LRP2: variants seen among roughly 807,000 people sequenced by gnomAD.
The protein encoded by LRP2 is low-density lipoprotein receptor-related protein 2.
Under a neutral mutation model 531.0 loss-of-function variants are expected in LRP2, and 172 were observed. That is an observed-to-expected ratio of 0.32 (90% CI 0.29 to 0.37). LRP2 has a LOEUF of 0.37. Ranked by LOEUF, LRP2 falls within the 10% of genes least tolerant of loss-of-function variation. The probability of loss-of-function intolerance (pLI) is 1.00; values close to 1 mark genes in which losing one functional copy is unlikely to be tolerated. For synonymous variants in LRP2, 1,992 were observed against 2,027.6 expected, an observed-to-expected ratio of 0.98 and a Z score of 0.47; for missense variants, 5,167 against 5,868.3, an observed-to-expected ratio of 0.88 and a Z score of 3.90.
chr2:169,299,147 GAAAGAAAGA>G (rs1684220264), intron 4 of LRP2, among the ~76,000 whole-genome samples: 2 of 43,954 alleles, frequency 4.6e-5, no homozygotes, highest in African/African-American at 1.3e-4. Context: ...AAGAAAGAAA[GAAAGAAAGA>G]AAAAAAGAAA....
At chr2:169,331,902 T>C (rs939744290) in intron 1 of LRP2, among the ~76,000 whole-genome samples, 5 of 151,968 alleles carry the variant, frequency 3.3e-5, no homozygotes, top group African/African-American at 1.2e-4. Flanking sequence ...AAAAAGAAAA[T>C]GGACATTCAT....
In LRP2 at chr2:169,168,492, T is replaced by C. The variant is rs1464862577; in HGVS notation, c.11635+47A>G. ...TGCTACACGTAAGAAACAATGAGAT[T>C]TGACAGACAACACCACTCCCATTCA... On this transcript the variant is annotated intron_variant, in intron 61 of 78. Coordinates refer to ENST00000649046, the MANE Select transcript of LRP2 (RefSeq NM_004525.3). 1.2e-5 allele frequency: 19 copies of C among 1,612,330 alleles called. No individual in the cohort carries two copies. In the South Asian group the frequency reaches 1.5e-4, roughly 13 times the overall value.
intron 50 of LRP2, 180 bp from the exon 51 acceptor site, chr2:169,182,499 G>A (rs1048776133): frequency 2.7e-6 from 4 of 1,497,902 alleles, no homozygotes; most frequent in Non-Finnish European, 3.5e-6. Flanking sequence ...TGAGGCAACA[G>A]AGGGTGCAAG....
At chr2:169,226,297 G>T in intron 32 of LRP2, 125 bp downstream of exon 32, 1 of 774,770 alleles carries the variant, frequency 1.3e-6, no homozygotes, top group Non-Finnish European at 2.1e-6. Context: ...AAAACTTAGG[G>T]ATAAATTTAT....
chr2:169,165,653 TGAGAA>T (rs1439786223), intron 62 of LRP2, among the ~76,000 whole-genome samples: 1 of 152,218 alleles, frequency 6.6e-6, no homozygotes, highest in African/African-American at 2.4e-5. Flanking sequence ...CAGTTTCTTA[TGAGAA>T]AAGAGGAGGG....
chr2:169,178,096 A>G (rs1687276501), intron 52 of LRP2, 70 bp from the exon 53 acceptor site: 1 of 1,129,812 alleles, frequency 8.9e-7, no homozygotes, highest in Non-Finnish European at 1.3e-6. Flanking sequence ...GCAGGATAAA[A>G]GAATTCACAA....
chr2:169,285,375 G>T (rs1012777513), intron 9 of LRP2, among the ~76,000 whole-genome samples: 5 of 152,000 alleles, frequency 3.3e-5, no homozygotes, highest in African/African-American at 1.2e-4. Flanking sequence ...CACTATAGAG[G>T]AATATGAAGG....
At chr2:169,341,698 T>A (rs770526720) in intron 1 of LRP2, among the ~76,000 whole-genome samples, 35 of 152,166 alleles carry the variant, frequency 2.3e-4, no homozygotes, top group Non-Finnish European at 4.7e-4. Flanking sequence ...GTATTAGAGT[T>A]AAGTATGTGA....
chr2:169,360,392 T>C (rs371501068), intron 1 of LRP2, among the ~76,000 whole-genome samples: 1 of 152,100 alleles, frequency 6.6e-6, no homozygotes, highest in Non-Finnish European at 1.5e-5. Context: ...GCCACATATA[T>C]GTGTATGCTA....
In LRP2 at chr2:169,145,166, T is replaced by C. The variant is rs117555752; in HGVS notation, c.12988+581A>G. Among the ~76,000 whole-genome samples the C allele has an allele frequency of 3.3e-3, 501 of 152,344 alleles. 23 individuals are homozygous for C. The East Asian group carries it at 0.062, about 19-fold the overall frequency. On this transcript the variant is annotated intron_variant, in intron 70 of 78. Transcript: ENST00000649046. The stretch of plus-strand genomic sequence containing the variant: ...ACATAAGAACTTAGTAAAAGGCTAT[T>C]TCCTTTCCTCACTTCCCTTTGCCTT...
chr2:169,182,898 TG>T (rs1282499746), intron 50 of LRP2, among the ~76,000 whole-genome samples: 3 of 152,256 alleles, frequency 2.0e-5, no homozygotes, highest in Non-Finnish European at 4.4e-5. Context: ...TATTAGGATC[TG>T]TTAGAAACTG....
chr2:169,300,283 G>A (rs1684255777), intron 4 of LRP2, among the ~76,000 whole-genome samples: 3 of 152,046 alleles, frequency 2.0e-5, no homozygotes, highest in Admixed American at 2.0e-4. Flanking sequence ...ATAGAGCTGG[G>A]TAAAAGGTAA....
Position 169,292,366 on chromosome 2 carries a change from T to C in LRP2, c.656A>G (p.Tyr219Cys), listed in dbSNP as rs1684019963. ...GAACTGGTAACCACCGCAGGTCGGA[T>C]AGTCTGGAATAAAGCAACAGCTGCA... ...QDGSDEHACN[Y>C]PTCGGYQFTC... Residue 219 changes from tyrosine to cysteine, a missense_variant, in exon 7 of 79, where the codon TAT becomes TGT. Coordinates refer to ENST00000649046, the MANE Select transcript of LRP2 (RefSeq NM_004525.3). The C allele has an allele frequency of 1.2e-6, 2 of 1,605,046 alleles. No homozygotes were observed. The highest frequency in any genetic ancestry group is 3.3e-5 in the Admixed American group (2 of 59,992).
At chr2:169,356,210 T>C (rs1407349253) in intron 1 of LRP2, among the ~76,000 whole-genome samples, 1 of 152,174 alleles carries the variant, frequency 6.6e-6, no homozygotes. Context: ...TGTATTTCAA[T>C]AACCTTCCTT....
At chr2:169,145,600 C>T in intron 70 of LRP2, 147 bp downstream of exon 70, 1 of 762,914 alleles carries the variant, frequency 1.3e-6, no homozygotes, top group Non-Finnish European at 2.2e-6. Flanking sequence ...TCCTCTCCCC[C>T]AGCAAACGTA....
intron 1 of LRP2, among the ~76,000 whole-genome samples, chr2:169,351,170 C>T (rs1228476863): frequency 6.6e-6 from 1 of 152,096 alleles, no homozygotes; most frequent in African/African-American, 2.4e-5. Flanking sequence ...TAAATAAGGA[C>T]CAGAGCTGAA....
chr2:169,329,585 C>T (rs1685209512), intron 1 of LRP2, among the ~76,000 whole-genome samples: 1 of 152,192 alleles, frequency 6.6e-6, no homozygotes, highest in South Asian at 2.1e-4. Context: ...AAGTGAAGAT[C>T]ACTCTGAGTA....
chr2:169,158,891 A>G (rs980452733), intron 63 of LRP2, among the ~76,000 whole-genome samples: 2 of 152,016 alleles, frequency 1.3e-5, no homozygotes, highest in Middle Eastern at 3.4e-3. Context: ...TAGAGCCCAT[A>G]TAAATGATCC....
chr2:169,297,760 T>C (rs1477009919), intron 4 of LRP2, among the ~76,000 whole-genome samples: 1 of 152,152 alleles, frequency 6.6e-6, no homozygotes, highest in Non-Finnish European at 1.5e-5. Context: ...GAAATGTAGT[T>C]TGAAGATCTT....
Sources: gnomAD v4.1 joint callset for allele counts (sites outside exome capture counted in the v4.1 genomes callset) on GRCh38, gnomAD v4.1.1 for gene constraint, MANE v1.5 for transcripts, NCBI Gene and HGNC (gene_info 2026-07-23, HGNC 2026-07-21) for gene names.